Variants in FAM234B observed in about 807,000 individuals in gnomAD.
The protein encoded by FAM234B is protein FAM234B.
A neutral mutation model predicts 69.3 loss-of-function variants in FAM234B; 33 were observed. That is an observed-to-expected ratio of 0.48 (90% CI 0.36 to 0.64). The LOEUF is 0.64. FAM234B is among the 30% of genes least tolerant of loss of function. The pLI, the probability that FAM234B is intolerant of heterozygous loss-of-function variation, is 0.00. For missense variants in FAM234B, 697 were observed against 769.7 expected, an observed-to-expected ratio of 0.91 and a Z score of 1.12; for synonymous variants, 306 against 306.9, an observed-to-expected ratio of 1.00 and a Z score of 0.03.
rs763515615 is a variant in FAM234B, at chr12:13,076,160, G to C, written c.1642+17G>C. On this transcript the variant is annotated intron_variant, in intron 11 of 12. Coordinates refer to ENST00000197268, the MANE Select transcript of FAM234B (RefSeq NM_020853.2). ...CTTCAGAGGGTGAGTCCCAGTGCCA[G>C]CGGGAGTCTGTGTACGCAGATGGTG... is the stretch of plus-strand genomic sequence containing the variant. 1.9e-6 allele frequency: 3 copies of C among 1,543,064 alleles called. No homozygotes were observed. The highest frequency in any genetic ancestry group is 1.1e-5 in the South Asian group (1 of 89,566).
intron 3 of FAM234B, among the ~76,000 whole-genome samples, chr12:13,059,177 C>T (rs1020954152): frequency 1.3e-5 from 2 of 152,180 alleles, no homozygotes; most frequent in African/African-American, 4.8e-5. Flanking sequence ...ACTCCCCTGG[C>T]TCCCTCCCCG....
At chr12:13,048,200 C>T (rs1342621197) in intron 1 of FAM234B, among the ~76,000 whole-genome samples, 3 of 152,146 alleles carry the variant, frequency 2.0e-5, no homozygotes, top group Non-Finnish European at 4.4e-5. Flanking sequence ...ATTGCATGTT[C>T]TTTCTCTGAG....
intron 1 of FAM234B, among the ~76,000 whole-genome samples, chr12:13,048,673 C>T (rs2120439681): frequency 6.6e-6 from 1 of 152,270 alleles, no homozygotes; most frequent in South Asian, 2.1e-4. Flanking sequence ...GACTTTGAAG[C>T]CAGACTGGTT....
rs1865264064 is a variant in FAM234B, at chr12:13,083,325, A to G, written c.*2695A>G. On this transcript the variant is annotated 3_prime_UTR_variant, in exon 13 of 13. Coordinates refer to ENST00000197268, the MANE Select transcript of FAM234B (RefSeq NM_020853.2). ...CCCAAATGTGTGGTATGGTGAAACT[A>G]ATCCCCTGAATGTGAATTGCTATCC... 1.3e-5 allele frequency: 2 copies of G among 152,546 alleles called. No individual in the cohort carries two copies. The highest frequency in any genetic ancestry group is 1.3e-4 in the Admixed American group (2 of 15,272). The allele number at this position is 152,546 out of a possible 1,614,324, so 9.4% of individuals were successfully genotyped here.
chr12:13,061,792 T>C (rs914437710), intron 4 of FAM234B, 29 bp downstream of exon 4: 2 of 1,596,448 alleles, frequency 1.3e-6, no homozygotes, highest in Admixed American at 3.4e-5. Context: ...AAAAGAACTT[T>C]GCTCCTACGA....
intron 3 of FAM234B, among the ~76,000 whole-genome samples, chr12:13,060,765 G>A (rs144256937): frequency 3.5e-4 from 53 of 152,284 alleles, no homozygotes; most frequent in South Asian, 1.9e-3. Flanking sequence ...AATGAGTCAC[G>A]TGTCCCTATC....
chr12:13,079,774 T>TC lies in FAM234B; in HGVS notation c.1643-15_1643-14insC, dbSNP rs1865203663. 1 of 1,570,946 alleles carries TC rather than the reference T, an allele frequency of 6.4e-7. No homozygotes were observed. Among genetic ancestry groups the TC allele is most frequent in the African/African-American group, 1.4e-5 (1 of 73,960 alleles). ...TGTGTCCATGTTAACTGCTCTTGTT[T>TC]TTGTCCTTCCTCAGTTGGAATTAAC... On this transcript the variant is annotated splice_polypyrimidine_tract_variant and intron_variant, in intron 11 of 12. Coordinates refer to ENST00000197268, the MANE Select transcript of FAM234B (RefSeq NM_020853.2).
intron 5 of FAM234B, among the ~76,000 whole-genome samples, chr12:13,063,736 T>TA (rs993209245): frequency 6.6e-6 from 1 of 152,356 alleles, no homozygotes; most frequent in South Asian, 2.1e-4. Flanking sequence ...TTTAAGTTTT[T>TA]ATTCTGGAAG....
At chr12:13,062,770 G>A in intron 4 of FAM234B, 75 bp from the exon 5 acceptor site, 1 of 1,533,662 alleles carries the variant, frequency 6.5e-7, no homozygotes, top group Non-Finnish European at 8.9e-7. Context: ...TTCTTTTCTG[G>A]CCTGGGAACA....
In FAM234B at chr12:13,068,388, G is replaced by A. The variant is rs1865064456; in HGVS notation, c.1227G>A (p.Val409=). The part of the protein sequence containing the change: ...NLLITTRQSL[V]LLRGQNLTPY... ...TGATTACAACCAGACAAAGCCTTGT[G>A]CTGCTTCGGGGGCAAAATCTGACAC... The change falls in exon 8 of 13, where the codon GTG becomes GTA. Residue 409 remains valine, a synonymous_variant. Coordinates refer to ENST00000197268, the MANE Select transcript of FAM234B (RefSeq NM_020853.2). 1 of 1,614,078 alleles carries A rather than the reference G, an allele frequency of 6.2e-7. No homozygotes were observed. Among genetic ancestry groups the A allele is most frequent in the Non-Finnish European group, 8.5e-7 (1 of 1,180,036 alleles).
chr12:13,053,189 A>C (rs983868236), intron 1 of FAM234B, among the ~76,000 whole-genome samples: 10 of 152,240 alleles, frequency 6.6e-5, no homozygotes, highest in African/African-American at 2.4e-4. Context: ...AATAAATAGA[A>C]ATAATTTCTA....
Position 13,061,938 on chromosome 12 carries a change from A to G in FAM234B, c.721+175A>G, listed in dbSNP as rs546116511. On this transcript the variant is annotated intron_variant, in intron 4 of 12. Coordinates refer to ENST00000197268, the MANE Select transcript of FAM234B (RefSeq NM_020853.2). ...AAAGGTTTGGGCAGATTGAGTAAAC[A>G]GATCCATGGTTCAACCTGTTTGGTG... Among the ~76,000 whole-genome samples, 8 of 152,346 alleles carry G rather than the reference A, an allele frequency of 5.3e-5. No individual in the cohort carries two copies. The East Asian group carries it at 1.5e-3, about 29-fold the overall frequency.
Position 13,050,132 on chromosome 12 carries a change from A to G in FAM234B, c.38-5419A>G, listed in dbSNP as rs182275283. Among the ~76,000 whole-genome samples, 6 of 152,272 alleles carry G rather than the reference A, an allele frequency of 3.9e-5. No individual in the cohort carries two copies. In the East Asian group the frequency reaches 5.8e-4, roughly 15 times the overall value. ...ATTGACTTTGTTTTGCCAGTTATCA[A>G]TTTATTGCATCTGAACTCCAAATTC... On this transcript the variant is annotated intron_variant, in intron 1 of 12. Coordinates refer to ENST00000197268, the MANE Select transcript of FAM234B (RefSeq NM_020853.2).
rs938122395 is a variant in FAM234B, at chr12:13,083,205, T to A, written c.*2575T>A. On this transcript the variant is annotated 3_prime_UTR_variant, in exon 13 of 13. Coordinates refer to ENST00000197268, the MANE Select transcript of FAM234B (RefSeq NM_020853.2). Reference sequence around the variant, plus strand: ...CCGGCAAAGCCAATATGACCACTACTGAGAAATAGTAATGACTTCTACAAA... The same window carrying A: ...CCGGCAAAGCCAATATGACCACTACAGAGAAATAGTAATGACTTCTACAAA... The A allele has an allele frequency of 6.6e-6, 1 of 152,546 alleles. No homozygotes were observed. Among genetic ancestry groups the A allele is most frequent in the Non-Finnish European group, 1.5e-5 (1 of 68,022 alleles). The allele number at this position is 152,546 out of a possible 1,614,324, so 9.4% of individuals were successfully genotyped here.
chr12:13,064,785 G>A (rs1242083169), intron 5 of FAM234B, among the ~76,000 whole-genome samples: 2 of 152,246 alleles, frequency 1.3e-5, no homozygotes, highest in East Asian at 3.9e-4. Flanking sequence ...AGGGACCCCA[G>A]GAACCTGTAT....
rs1865052501 is a variant in FAM234B at position 13,067,408 on chromosome 12, A to G, written c.1142+112A>G. 9.1e-7 allele frequency: 1 copy of G among 1,098,772 alleles called. No homozygotes were observed. Among genetic ancestry groups the G allele is most frequent in the African/African-American group, 1.6e-5 (1 of 64,020 alleles). 68.1% of individuals were successfully genotyped at this position (1,098,772 alleles called of 1,614,324 possible). The stretch of plus-strand genomic sequence containing the variant: ...ATATGTGGGTAGAGGTTTAGGGGAA[A>G]CAGTGCTTATCTTAATTTACCATCT... On this transcript the variant is annotated intron_variant, in intron 7 of 12. Transcript: ENST00000197268. This position sits in a 1 kb window ranked among gnomAD's most constrained non-coding sequence, Gnocchi z 4.7.
intron 4 of FAM234B, chr12:13,062,134 T>A (rs900016517): frequency 1.2e-5 from 2 of 168,060 alleles, no homozygotes; most frequent in African/African-American, 4.8e-5. Context: ...CTTAAAAAAA[T>A]ACGTCAGTGA....
Position 13,044,520 on chromosome 12 carries a change from G to A in FAM234B, c.37+80G>A. On this transcript the variant is annotated intron_variant, in intron 1 of 12. Coordinates refer to ENST00000197268, the MANE Select transcript of FAM234B (RefSeq NM_020853.2). The surrounding 1 kb of genome is among the most constrained non-coding windows in gnomAD (Gnocchi z 5.6). The stretch of plus-strand genomic sequence containing the variant: ...GAGGCGAGGCTCTGGGGGCGAGGCC[G>A]GTCGGGCCCTGGCCTCAACCCAGAC... The A allele has an allele frequency of 1.4e-6, 2 of 1,475,740 alleles. No homozygotes were observed. Among genetic ancestry groups the A allele is most frequent in the South Asian group, 1.2e-5 (1 of 81,924 alleles). The allele number at this position is 1,475,740 out of a possible 1,614,324, so 91.4% of individuals were successfully genotyped here.
rs1203007051 is a variant in FAM234B at position 13,061,738 on chromosome 12, G to A, written c.696G>A (p.Met232Ile). 6.2e-7 allele frequency: 1 copy of A among 1,614,076 alleles called. No individual in the cohort carries two copies. Among genetic ancestry groups the A allele is most frequent in the Non-Finnish European group, 8.5e-7 (1 of 1,180,000 alleles). The change falls in exon 4 of 13, where the codon ATG becomes ATA. Residue 232 changes from methionine (M) to isoleucine (I), a missense_variant. Physicochemically the swap from Met to Ile is conservative, Grantham distance 10. This residue lies in a region of FAM234B where 380 missense variants were observed against 447.1 expected (regional missense o/e 0.85). Transcript: ENST00000197268. ...GCCTTGTGACAGGGACACACAAGAT[G>A]CTCAGCGCATTCAATGCAACGTCAG... The part of the protein sequence containing the change: ...TICLVTGTHK[M>I]LSAFNATSGK...
Sources: gnomAD v4.1 joint callset for allele counts (sites outside exome capture counted in the v4.1 genomes callset) on GRCh38, gnomAD v4.1.1 for gene constraint, gnomAD v4.1.1 regional missense constraint, Gnocchi (gnomAD v3.1) non-coding constraint, MANE v1.5 for transcripts, NCBI Gene and HGNC (gene_info 2026-07-23, HGNC 2026-07-21) for gene names.